The following AFF3 variants were observed in gnomAD, a reference collection of about 807,000 sequenced individuals.
AFF3 encodes ALF transcription elongation factor 3.
Under a neutral mutation model 129.7 loss-of-function variants are expected in AFF3, and 32 were observed. The observed-to-expected ratio is 0.25, with a 90% CI of 0.19 to 0.33. The LOEUF is 0.33. Among genes scored for constraint, AFF3 ranks in the 10% least tolerant of loss-of-function variants. The pLI, the probability that AFF3 is intolerant of heterozygous loss-of-function variation, is 1.00. For missense variants in AFF3, 1,373 were observed against 1,592.0 expected (o/e 0.86, Z 2.34); for synonymous variants, 644 against 635.4 (o/e 1.01, Z -0.20).
chr2:99,970,782 T>C (rs774786498), intron 7 of AFF3, among the ~76,000 whole-genome samples: 2 of 152,164 alleles, frequency 1.3e-5, no homozygotes, highest in South Asian at 4.1e-4. Flanking sequence ...GTCTCCTTCC[T>C]GAAGAGCCTG....
chr2:99,888,233 GAGAGC>G (rs1693266812), intron 7 of AFF3, among the ~76,000 whole-genome samples: 1 of 152,180 alleles, frequency 6.6e-6, no homozygotes, highest in South Asian at 2.1e-4. Context: ...AACAAATGAA[GAGAGC>G]AGATGATGAA....
intron 7 of AFF3, among the ~76,000 whole-genome samples, chr2:99,933,349 C>G (rs570676306): frequency 5.3e-5 from 8 of 151,844 alleles, no homozygotes; most frequent in Middle Eastern, 6.8e-3. Context: ...TTTTTAAGTT[C>G]TGGGACACAC....
intron 7 of AFF3, among the ~76,000 whole-genome samples, chr2:99,863,407 T>C (rs991094392): frequency 6.6e-6 from 1 of 152,178 alleles, no homozygotes; most frequent in Non-Finnish European, 1.5e-5. Flanking sequence ...ACTATTCTAT[T>C]TGTCTCCTCT....
intron 12 of AFF3, among the ~76,000 whole-genome samples, chr2:99,654,401 TA>T (rs1246990529): frequency 6.6e-6 from 1 of 152,128 alleles, no homozygotes; most frequent in Non-Finnish European, 1.5e-5. Context: ...CTCCTCTCTT[TA>T]AAAAAACCTT....
At chr2:99,638,160 G>A (rs923091317) in intron 13 of AFF3, among the ~76,000 whole-genome samples, 2 of 151,288 alleles carry the variant, frequency 1.3e-5, no homozygotes, top group East Asian at 1.9e-4. Flanking sequence ...TGCAACCTCC[G>A]TCTTCCAGGT....
At chr2:99,988,546 T>C (rs1418195417) in intron 7 of AFF3, among the ~76,000 whole-genome samples, 2 of 152,186 alleles carry the variant, frequency 1.3e-5, no homozygotes, top group Non-Finnish European at 2.9e-5. Context: ...GAATACTAAT[T>C]CTATGGGTTG....
At chr2:99,614,290 G>A (rs1681207652) in intron 13 of AFF3, among the ~76,000 whole-genome samples, 1 of 152,174 alleles carries the variant, frequency 6.6e-6, no homozygotes, top group African/African-American at 2.4e-5. Context: ...AGTAATACAG[G>A]AGGTCCATAA....
At chr2:99,819,483 A>G (rs931906717) in intron 8 of AFF3, among the ~76,000 whole-genome samples, 2 of 152,226 alleles carry the variant, frequency 1.3e-5, no homozygotes, top group Non-Finnish European at 2.9e-5. Flanking sequence ...GCTAACAGTC[A>G]TTAGTCCCAA....
intron 7 of AFF3, among the ~76,000 whole-genome samples, chr2:99,977,077 C>T (rs1377508763): frequency 2.0e-5 from 3 of 152,152 alleles, no homozygotes; most frequent in Non-Finnish European, 2.9e-5. Flanking sequence ...AACTGAGAGA[C>T]CAAGGGATCC....
chr2:99,728,285 T>C (rs1249473210), intron 10 of AFF3, among the ~76,000 whole-genome samples: 2 of 152,196 alleles, frequency 1.3e-5, no homozygotes, highest in African/African-American at 4.8e-5. Context: ...GCAGAGCCAA[T>C]ACACCCCAGA....
At chr2:99,747,557 T>G (rs577878610) in intron 9 of AFF3, among the ~76,000 whole-genome samples, 2 of 152,218 alleles carry the variant, frequency 1.3e-5, no homozygotes, top group South Asian at 4.1e-4. Flanking sequence ...GAACCAGAGA[T>G]GAGCTTACAG....
chr2:99,549,844 C>T lies in AFF3; in HGVS notation c.*1630G>A, dbSNP rs1674285663. On this transcript the variant is annotated 3_prime_UTR_variant, in exon 25 of 25. Coordinates refer to ENST00000672756, the MANE Select transcript of AFF3 (RefSeq NM_001386135.1). The stretch of plus-strand genomic sequence containing the variant: ...CAAAAATGTTAACACTGCAAACCAA[C>T]CTGTAAGAATATCAGTGAATGTTTA... 4.5e-6 allele frequency: 1 copy of T among 220,528 alleles called. No homozygotes were observed. The highest frequency in any genetic ancestry group is 2.2e-5 in the African/African-American group (1 of 44,616). 13.7% of individuals were successfully genotyped at this position (220,528 alleles called of 1,614,324 possible). A position where few individuals can be genotyped will look rare whatever the true frequency, so the allele number is the denominator to read the frequency against.
At chr2:99,993,967 G>A (rs1284670109) in intron 7 of AFF3, among the ~76,000 whole-genome samples, 2 of 151,144 alleles carry the variant, frequency 1.3e-5, no homozygotes, top group South Asian at 2.1e-4. Flanking sequence ...CACCATGCCC[G>A]GCTAATTTTT....
rs1691044676 is a variant in AFF3 at position 100,104,404 on chromosome 2, C to G, written c.51G>C (p.Leu17=). 1 of 1,250,352 alleles carries G rather than the reference C, an allele frequency of 8.0e-7. No homozygotes were observed. Among genetic ancestry groups the G allele is most frequent in the Non-Finnish European group, 1.0e-6 (1 of 970,250 alleles). 77.5% of individuals were successfully genotyped at this position (1,250,352 alleles called of 1,614,324 possible). Reference sequence around the variant, plus strand: ...AAGCGGCCGGCACGGGGACTTACCACAGTGACTCGAGGTCCCATTCCTGGA... The same window carrying G: ...AAGCGGCCGGCACGGGGACTTACCAGAGTGACTCGAGGTCCCATTCCTGGA... ...ALLQEWDLES[L]CVYEPDRNAL... Residue 17 remains leucine, a splice_region_variant and synonymous_variant, in exon 4 of 25, where the codon CTG becomes CTC. Transcript: ENST00000672756.
chr2:99,920,151 A>G (rs980339331), intron 7 of AFF3, among the ~76,000 whole-genome samples: 7 of 152,072 alleles, frequency 4.6e-5, no homozygotes, highest in African/African-American at 9.7e-5. Flanking sequence ...TAAAGAAAAT[A>G]ATACCAATCC....
chr2:99,912,564 C>T (rs1695171506), intron 7 of AFF3, among the ~76,000 whole-genome samples: 1 of 152,078 alleles, frequency 6.6e-6, no homozygotes, highest in South Asian at 2.1e-4. Flanking sequence ...CTATTTTTAA[C>T]CCCAATAAAC....
chr2:99,643,191 C>T (rs1684374090), intron 13 of AFF3, among the ~76,000 whole-genome samples: 1 of 151,162 alleles, frequency 6.6e-6, no homozygotes, highest in South Asian at 2.1e-4. Flanking sequence ...TCCTGAGTAG[C>T]TGGGATTACA....
chr2:99,751,507 A>G (rs1681653211), intron 9 of AFF3, among the ~76,000 whole-genome samples: 1 of 152,258 alleles, frequency 6.6e-6, no homozygotes, highest in Non-Finnish European at 1.5e-5. Flanking sequence ...CATATTTTCT[A>G]TATATAATGC....
chr2:100,039,285 A>G (rs1339819879), intron 4 of AFF3, among the ~76,000 whole-genome samples: 3 of 152,202 alleles, frequency 2.0e-5, no homozygotes, highest in South Asian at 4.1e-4. Context: ...TGGGCAGCGC[A>G]CAGTGGCTCT....
Sources: allele counts gnomAD v4.1 joint callset (sites outside exome capture counted in the v4.1 genomes callset), GRCh38; gene constraint gnomAD v4.1.1; transcripts MANE v1.5; gene names NCBI Gene and HGNC (gene_info 2026-07-23, HGNC 2026-07-21).